Variants in RHEX observed in about 807,000 individuals in gnomAD.
RHEX encodes regulator of hemoglobinization and erythroid cell expansion, also known as regulator of hemoglobinization and erythroid cell expansion protein.
RHEX carries 18 observed loss-of-function variants against 20.1 expected under a neutral mutation model. That is an observed-to-expected ratio of 0.90 (90% CI 0.62 to 1.33). RHEX has a LOEUF of 1.33. Among genes scored for constraint, RHEX ranks in the 40% most tolerant of loss-of-function variants. The probability of loss-of-function intolerance (pLI) is 0.00; values close to 1 mark genes in which losing one functional copy is unlikely to be tolerated. For synonymous variants in RHEX, 87 were observed against 77.1 expected, an observed-to-expected ratio of 1.13 and a Z score of -0.67; for missense variants, 192 against 214.3, an observed-to-expected ratio of 0.90 and a Z score of 0.65.
chr1:206,080,490 CTGTTAT>C (rs1293865385), intron 1 of RHEX, among the ~76,000 whole-genome samples: 6 of 152,136 alleles, frequency 3.9e-5, no homozygotes, highest in African/African-American at 1.4e-4. Context: ...GGGAAGGAGG[CTGTTAT>C]CTTACGAAAT....
intron 1 of RHEX, among the ~76,000 whole-genome samples, chr1:206,078,472 G>A (rs1404636407): frequency 1.3e-5 from 2 of 152,240 alleles, no homozygotes; most frequent in East Asian, 3.9e-4. Flanking sequence ...AAGGCAGGAG[G>A]ATGGCTTGAG....
chr1:206,090,355 A>G (rs1009396737), intron 1 of RHEX, among the ~76,000 whole-genome samples: 5 of 151,360 alleles, frequency 3.3e-5, no homozygotes, highest in Non-Finnish European at 4.4e-5. Flanking sequence ...ACAGGTGCCC[A>G]CCACCTCACC....
At chr1:206,073,220 C>G (rs1190117815) in intron 1 of RHEX, among the ~76,000 whole-genome samples, 4 of 152,096 alleles carry the variant, frequency 2.6e-5, no homozygotes, top group African/African-American at 9.7e-5. Context: ...AGGGCTCTGT[C>G]CTGGCCCTTT....
chr1:206,063,787 A>T (rs1662354944), intron 1 of RHEX, among the ~76,000 whole-genome samples: 1 of 152,020 alleles, frequency 6.6e-6, no homozygotes, highest in African/African-American at 2.4e-5. Flanking sequence ...CAAAGTGCCG[A>T]GATTGCAGCC....
In RHEX at chr1:206,066,638, T is replaced by C. The variant is rs975773358; in HGVS notation, c.-97+13373T>C. Reference sequence around the variant, plus strand: ...GTCTCAAAAAAAAAGAGTTACAACCTACAGGCAGGGAAGTGGAGCCTCTGG... The same window carrying C: ...GTCTCAAAAAAAAAGAGTTACAACCCACAGGCAGGGAAGTGGAGCCTCTGG... On this transcript the variant is annotated intron_variant, in intron 1 of 5. Transcript: ENST00000331555. Among the ~76,000 whole-genome samples, 11 of 152,126 alleles carry C rather than the reference T, an allele frequency of 7.2e-5. 1 individual carries two copies. The highest frequency in any genetic ancestry group is 2.2e-4 in the African/African-American group (9 of 41,420).
At chr1:206,084,804 C>G (rs1327829813) in intron 1 of RHEX, among the ~76,000 whole-genome samples, 1 of 152,204 alleles carries the variant, frequency 6.6e-6, no homozygotes, top group Non-Finnish European at 1.5e-5. Context: ...CACAAAGCAT[C>G]AGGCCAATCA....
At chr1:206,073,420 G>A (rs1218132897) in intron 1 of RHEX, among the ~76,000 whole-genome samples, 2 of 152,164 alleles carry the variant, frequency 1.3e-5, no homozygotes, top group African/African-American at 4.8e-5. Flanking sequence ...CACATTGTAA[G>A]TATTTCACAT....
At chr1:206,074,702 T>G (rs1553285018) in intron 1 of RHEX, among the ~76,000 whole-genome samples, 1 of 152,218 alleles carries the variant, frequency 6.6e-6, no homozygotes, top group East Asian at 1.9e-4. Context: ...TCTGAAAATC[T>G]GAAATCTGAA....
Position 206,099,791 on chromosome 1 carries a change from T to A in RHEX, c.249T>A (p.Leu83=), listed in dbSNP as rs782620767. ...GAGACATCCCAATGTCTGATTCCCT[T>A]TACAGGCGTGAGTAAGGGGTTGGAG... The part of the protein sequence containing the change: ...TERDIPMSDS[L]YRHDSDTPSD... Residue 83 remains leucine, a synonymous_variant, in exon 4 of 6, where the codon CTT becomes CTA. Coordinates refer to ENST00000331555, the MANE Select transcript of RHEX (RefSeq NM_001007544.4). The A allele has an allele frequency of 2.6e-5, 42 of 1,613,852 alleles. No homozygotes were observed. Among genetic ancestry groups the A allele is most frequent in the Non-Finnish European group, 3.4e-5 (40 of 1,179,944 alleles).
At chr1:206,066,472 C>T (rs1662424504) in intron 1 of RHEX, among the ~76,000 whole-genome samples, 1 of 152,170 alleles carries the variant, frequency 6.6e-6, no homozygotes, top group African/African-American at 2.4e-5. Context: ...CAGAAATAAG[C>T]TGGGTGTGGT....
intron 1 of RHEX, among the ~76,000 whole-genome samples, chr1:206,053,882 G>C (rs1553282133): frequency 1.3e-5 from 2 of 152,226 alleles, no homozygotes; most frequent in African/African-American, 4.8e-5. Context: ...GGCAAGGAAA[G>C]ACCAGTAGAG....
intron 1 of RHEX, among the ~76,000 whole-genome samples, chr1:206,054,052 G>A (rs937565330): frequency 3.3e-5 from 5 of 151,008 alleles, no homozygotes; most frequent in Non-Finnish European, 7.4e-5. Context: ...TTCTAATCTT[G>A]TGGCCTTAGA....
rs1478882419 is a variant in RHEX at position 206,099,637 on chromosome 1, C to T, written c.113-18C>T. 4 of 1,612,280 alleles carry T rather than the reference C, an allele frequency of 2.5e-6. No homozygotes were observed. The highest frequency in any genetic ancestry group is 3.4e-6 in the Non-Finnish European group (4 of 1,179,466). On this transcript the variant is annotated intron_variant, in intron 3 of 5. Coordinates refer to ENST00000331555, the MANE Select transcript of RHEX (RefSeq NM_001007544.4). ...CCTGGCCAGTTTCCACTTTTGATCC[C>T]TGCCCTCTCCCTTCCAGCCCACAAG... is the stretch of plus-strand genomic sequence containing the variant.
chr1:206,093,357 C>T (rs1049256465), intron 1 of RHEX, among the ~76,000 whole-genome samples: 34 of 152,022 alleles, frequency 2.2e-4, no homozygotes, highest in African/African-American at 5.5e-4. Context: ...CTGCAACCTC[C>T]GCTTCCTGGG....
At chr1:206,072,599 T>C (rs1375042967) in intron 1 of RHEX, among the ~76,000 whole-genome samples, 7 of 152,086 alleles carry the variant, frequency 4.6e-5, no homozygotes, top group Non-Finnish European at 1.0e-4. Flanking sequence ...AGAGGATGTG[T>C]TTTAGGCTTT....
intron 1 of RHEX, among the ~76,000 whole-genome samples, chr1:206,074,108 C>G (rs1553284953): frequency 1.3e-5 from 2 of 152,190 alleles, no homozygotes; most frequent in East Asian, 3.9e-4. Flanking sequence ...TCTGCTCTTT[C>G]CTCTGCCCAG....
At chr1:206,068,482 C>T (rs1662471101) in intron 1 of RHEX, among the ~76,000 whole-genome samples, 1 of 152,086 alleles carries the variant, frequency 6.6e-6, no homozygotes, top group Non-Finnish European at 1.5e-5. Context: ...GGACTGAAAT[C>T]CACAACTCAA....
intron 1 of RHEX, among the ~76,000 whole-genome samples, chr1:206,076,720 T>G (rs1486198350): frequency 1.3e-5 from 2 of 152,244 alleles, no homozygotes; most frequent in Non-Finnish European, 2.9e-5. Flanking sequence ...CATTCTTGAA[T>G]AGCATCCTGG....
chr1:206,063,232 A>G (rs1662340559), intron 1 of RHEX, among the ~76,000 whole-genome samples: 1 of 152,184 alleles, frequency 6.6e-6, no homozygotes, highest in African/African-American at 2.4e-5. Flanking sequence ...GAGGAGATGA[A>G]TGTGTCTGGA....
Sources: gnomAD v4.1 joint callset for allele counts (sites outside exome capture counted in the v4.1 genomes callset) on GRCh38, gnomAD v4.1.1 for gene constraint, MANE v1.5 for transcripts, NCBI Gene and HGNC (gene_info 2026-07-23, HGNC 2026-07-21) for gene names.